The following C10orf90 variants were observed in gnomAD, a reference collection of about 807,000 sequenced individuals.
C10orf90 encodes (E2-independent) E3 ubiquitin-conjugating enzyme FATS.
Under a neutral mutation model 62.5 loss-of-function variants are expected in C10orf90, and 56 were observed. The ratio of observed to expected loss-of-function variants is 0.90; its 90% CI spans 0.72 to 1.12. C10orf90 has a LOEUF of 1.12. C10orf90 is among the 50% of genes most tolerant of loss of function. The pLI is 0.00. For synonymous variants in C10orf90, 386 were observed against 340.4 expected, an observed-to-expected ratio of 1.13 and a Z score of -1.47; for missense variants, 970 against 880.4, an observed-to-expected ratio of 1.10 and a Z score of -1.29.
chr10:126,503,991 C>T lies in C10orf90; in HGVS notation c.1500G>A (p.Leu500=). The change falls in exon 4 of 10, where the codon CTG becomes CTA. Residue 500 remains leucine, a synonymous_variant. Coordinates refer to ENST00000488181, the MANE Select transcript of C10orf90 (RefSeq NM_001350921.2). ...HCHASDHANQ[L]SIHIPGWSYR... ...AACTCCAGCCAGGAATGTGAATGGA[C>T]AGTTGGTTGGCATGATCGCTGGCGT... The T allele has an allele frequency of 1.2e-6, 2 of 1,612,896 alleles. No homozygotes were observed. The highest frequency in any genetic ancestry group is 1.7e-6 in the Non-Finnish European group (2 of 1,179,776).
chr10:126,519,756 C>G (rs1342515402), intron 2 of C10orf90, among the ~76,000 whole-genome samples: 1 of 152,192 alleles, frequency 6.6e-6, no homozygotes, highest in Non-Finnish European at 1.5e-5. Context: ...TCTTCAACTT[C>G]TGGTCTCCTG....
At chr10:126,492,954 AC>A (rs557036274) in intron 4 of C10orf90, among the ~76,000 whole-genome samples, 7 of 152,216 alleles carry the variant, frequency 4.6e-5, no homozygotes, top group Non-Finnish European at 8.8e-5. Flanking sequence ...ATTTATCAAC[AC>A]ATTGCTATAA....
intron 2 of C10orf90, chr10:126,521,270 T>C (rs1379167876): frequency 1.2e-6 from 2 of 1,611,278 alleles, no homozygotes; most frequent in Non-Finnish European, 1.7e-6. Context: ...TAATAAGGGT[T>C]ATATCTGTGG....
At chr10:126,563,541 A>C (rs1864951565) in intron 2 of C10orf90, among the ~76,000 whole-genome samples, 1 of 152,172 alleles carries the variant, frequency 6.6e-6, no homozygotes, top group Non-Finnish European at 1.5e-5. Context: ...GGTTTGTGTG[A>C]GGATTCAAGG....
At chr10:126,586,823 G>A (rs1429554718) in intron 2 of C10orf90, among the ~76,000 whole-genome samples, 2 of 152,062 alleles carry the variant, frequency 1.3e-5, no homozygotes, top group Admixed American at 6.6e-5. Context: ...CACCACAGGC[G>A]CTGCTCCTCT....
intron 4 of C10orf90, among the ~76,000 whole-genome samples, chr10:126,472,707 G>A (rs927760650): frequency 3.9e-5 from 6 of 152,302 alleles, no homozygotes; most frequent in South Asian, 2.1e-4. Context: ...TCTTCCAGGC[G>A]TTGAAGGGAA....
At chr10:126,622,809 G>A (rs1377722978) in intron 2 of C10orf90, among the ~76,000 whole-genome samples, 2 of 152,216 alleles carry the variant, frequency 1.3e-5, no homozygotes, top group African/African-American at 4.8e-5. Context: ...GCTGTAGTCA[G>A]AAAGGCGCAC....
intron 1 of C10orf90, among the ~76,000 whole-genome samples, chr10:126,648,574 G>A (rs921974746): frequency 6.6e-6 from 1 of 152,250 alleles, no homozygotes; most frequent in Non-Finnish European, 1.5e-5. Context: ...ACGCGCCATG[G>A]GAAATATTGG....
At chr10:126,443,922 T>C (rs1337019403) in intron 7 of C10orf90, among the ~76,000 whole-genome samples, 1 of 151,944 alleles carries the variant, frequency 6.6e-6, no homozygotes. Context: ...AAAACAAATG[T>C]CATACGATCA....
rs747288945 is a variant in C10orf90, at chr10:126,608,520, C to CAA, written c.313+38044_313+38045insTT. 5.3e-5 allele frequency among the ~76,000 whole-genome samples: 8 copies of CAA among 152,288 alleles called. No individual in the cohort carries two copies. The South Asian group carries it at 1.2e-3, about 24-fold the overall frequency. On this transcript the variant is annotated intron_variant, in intron 2 of 9. Coordinates refer to ENST00000488181, the MANE Select transcript of C10orf90 (RefSeq NM_001350921.2). ...TAAAATGAAAAAAGAAAATTCCACT[C>CAA]GTTTTGGTGTAGTATCAAGGAACAA...
intron 2 of C10orf90, among the ~76,000 whole-genome samples, chr10:126,528,215 C>T (rs1864001294): frequency 6.6e-6 from 1 of 151,986 alleles, no homozygotes; most frequent in Non-Finnish European, 1.5e-5. Flanking sequence ...TCAACCAGGC[C>T]TCAGGAACAG....
chr10:126,567,939 G>GTGGTATTGT (rs1172267722), intron 2 of C10orf90, among the ~76,000 whole-genome samples: 1 of 152,070 alleles, frequency 6.6e-6, no homozygotes, highest in African/African-American at 2.4e-5. Flanking sequence ...GAAGAAATGA[G>GTGGTATTGT]TGGTATTGTT....
Position 126,562,531 on chromosome 10 carries a change from G to A in C10orf90, c.314-48592C>T, listed in dbSNP as rs188537007. ...AATTGCTACCTGTGGCACCCTGGGTGGCCCAAGTGACCTTGCTGATATGCA... is the reference window on the plus strand; with the variant it reads ...AATTGCTACCTGTGGCACCCTGGGTAGCCCAAGTGACCTTGCTGATATGCA... On this transcript the variant is annotated intron_variant, in intron 2 of 9. Coordinates refer to ENST00000488181, the MANE Select transcript of C10orf90 (RefSeq NM_001350921.2). 2.4e-3 allele frequency among the ~76,000 whole-genome samples: 360 copies of A among 152,296 alleles called. 2 individuals are homozygous for A. Among genetic ancestry groups the A allele is most frequent in the African/African-American group, 7.7e-3 (321 of 41,562 alleles).
At chr10:126,627,000 C>CTTTTTTTTTTTTTTTT (rs61226052) in intron 2 of C10orf90, among the ~76,000 whole-genome samples, 4 of 119,496 alleles carry the variant, frequency 3.3e-5, no homozygotes, top group African/African-American at 6.3e-5. Flanking sequence ...TTTTTCTTTT[C>CTTTTTTTTTTTTTTTT]TTTTTTTTTT....
intron 2 of C10orf90, among the ~76,000 whole-genome samples, chr10:126,607,187 C>T (rs180852693): frequency 4.9e-4 from 75 of 152,286 alleles, no homozygotes; most frequent in Non-Finnish European, 9.1e-4. Flanking sequence ...TACTTATACA[C>T]TTAAACAACA....
rs1482235196 is a variant in C10orf90 at position 126,649,028 on chromosome 10, GTCTCTGTC to G, written c.241-2399_241-2392del. Among the ~76,000 whole-genome samples the G allele has an allele frequency of 3.4e-3, 349 of 102,802 alleles. 21 individuals are homozygous for G. Among genetic ancestry groups the G allele is most frequent in the African/African-American group, 5.3e-3 (122 of 23,234 alleles). 67.4% of individuals were successfully genotyped at this position (102,802 alleles called of 152,430 possible). A position where few individuals can be genotyped will look rare whatever the true frequency, so the allele number is the denominator to read the frequency against. ...ACAGATGATATCTCTCTCTCTCTCTGTCTCTGTCTCTCTCTCTCTCTCTCTCTCTCTCT... is the reference window on the plus strand; with the variant it reads ...ACAGATGATATCTCTCTCTCTCTCTGTCTCTCTCTCTCTCTCTCTCTCTCT... On this transcript the variant is annotated intron_variant, in intron 1 of 9. Coordinates refer to ENST00000488181, the MANE Select transcript of C10orf90 (RefSeq NM_001350921.2).
chr10:126,532,562 G>A lies in C10orf90; in HGVS notation c.314-18623C>T, dbSNP rs182200588. Among the ~76,000 whole-genome samples, 792 of 152,006 alleles carry A rather than the reference G, an allele frequency of 5.2e-3. 6 individuals are homozygous for A. The highest frequency in any genetic ancestry group is 0.018 in the African/African-American group (740 of 41,452). The stretch of plus-strand genomic sequence containing the variant: ...ATATAAAGAGTGAGCACATGGCCGG[G>A]CGCGGTGGCTCACGCCTATAGTCCC... On this transcript the variant is annotated intron_variant, in intron 2 of 9. Coordinates refer to ENST00000488181, the MANE Select transcript of C10orf90 (RefSeq NM_001350921.2).
chr10:126,506,066 G>A (rs1862714219), intron 3 of C10orf90, among the ~76,000 whole-genome samples: 1 of 152,188 alleles, frequency 6.6e-6, no homozygotes, highest in African/African-American at 2.4e-5. Context: ...TGGGGGACAG[G>A]GGACACTGGA....
chr10:126,469,929 G>A (rs1475914169), intron 4 of C10orf90: 3 of 456,666 alleles, frequency 6.6e-6, no homozygotes, highest in African/African-American at 2.0e-5. Flanking sequence ...AGAGGGGAAG[G>A]AAGGTGTTCT....
Sources: allele counts gnomAD v4.1 joint callset (sites outside exome capture counted in the v4.1 genomes callset), GRCh38; gene constraint gnomAD v4.1.1; transcripts MANE v1.5; gene names NCBI Gene and HGNC (gene_info 2026-07-23, HGNC 2026-07-21).